Variants in ANTXR2 observed in about 807,000 individuals in gnomAD.
ANTXR2 encodes the protein ANTXR cell adhesion molecule 2, also known as anthrax toxin receptor 2.
ANTXR2 carries 44 observed loss-of-function variants against 73.7 expected under a neutral mutation model. The observed-to-expected ratio is 0.60, with a 90% CI of 0.47 to 0.77. The LOEUF (loss-of-function observed/expected upper bound fraction) is 0.77. Among genes scored for constraint, ANTXR2 ranks in the 30% least tolerant of loss-of-function variants. The probability of loss-of-function intolerance (pLI) is 0.00; values close to 1 mark genes in which losing one functional copy is unlikely to be tolerated. For missense variants in ANTXR2, 604 were observed against 592.5 expected (o/e 1.02, Z -0.20); for synonymous variants, 217 against 205.9 (o/e 1.05, Z -0.46).
intron 15 of ANTXR2, 119 bp downstream of exon 15, chr4:79,977,888 A>G: frequency 7.8e-7 from 1 of 1,289,894 alleles, no homozygotes; most frequent in East Asian, 2.4e-5. Context: ...TTAAGAGTGT[A>G]CAATGAATAT....
chr4:80,056,036 GA>G, intron 3 of ANTXR2, 23 bp from the exon 4 acceptor site: 3 of 1,463,422 alleles, frequency 2.0e-6, no homozygotes, highest in South Asian at 1.3e-5. Context: ...TTAAACAAAA[GA>G]AAAAATGAGC....
rs916480368 is a variant in ANTXR2, at chr4:79,903,721, A to G, written c.*3708T>C. 1 of 152,188 alleles carries G rather than the reference A, an allele frequency of 6.6e-6. No individual in the cohort carries two copies. The highest frequency in any genetic ancestry group is 1.5e-5 in the Non-Finnish European group (1 of 68,026). 9.4% of individuals were successfully genotyped at this position (152,188 alleles called of 1,614,324 possible). A position where few individuals can be genotyped will look rare whatever the true frequency, so the allele number is the denominator to read the frequency against. On this transcript the variant is annotated 3_prime_UTR_variant, in exon 17 of 17. Coordinates refer to ENST00000403729, the MANE Select transcript of ANTXR2 (RefSeq NM_058172.6). The stretch of plus-strand genomic sequence containing the variant: ...TGCGTCTGCACTGACTTTATTTCCT[A>G]CAAATAGACAACATTCTCCAGCCTC...
At chr4:79,981,706 C>T (rs1729898582) in intron 14 of ANTXR2, among the ~76,000 whole-genome samples, 1 of 152,252 alleles carries the variant, frequency 6.6e-6, no homozygotes, top group African/African-American at 2.4e-5. Context: ...CAACGTGTAT[C>T]GTGTTTCCCC....
chr4:79,910,523 G>GA (rs1727089359), intron 16 of ANTXR2, among the ~76,000 whole-genome samples: 3 of 68,620 alleles, frequency 4.4e-5, no homozygotes, highest in African/African-American at 1.7e-4. Context: ...AAAAAAAAAA[G>GA]AAAAAAAAGA....
At chr4:80,002,255 G>A (rs62298617) in intron 12 of ANTXR2, among the ~76,000 whole-genome samples, 73,016 of 151,820 alleles carry the variant, frequency 0.48, 20,079 homozygotes, top group East Asian at 0.92. Context: ...AAATAATGCC[G>A]CATATCTACA....
At chr4:80,009,572 G>A (rs947100771) in intron 11 of ANTXR2, among the ~76,000 whole-genome samples, 19 of 152,164 alleles carry the variant, frequency 1.2e-4, no homozygotes, top group African/African-American at 3.9e-4. Context: ...TACTGAGGCC[G>A]GGCACAATGG....
At chr4:79,974,272 C>T (rs182187241) in intron 16 of ANTXR2, among the ~76,000 whole-genome samples, 239 of 151,978 alleles carry the variant, frequency 1.6e-3, no homozygotes, top group Non-Finnish European at 1.6e-3. Context: ...ATAGGTATGA[C>T]GATAAAAGAT....
chr4:80,055,084 T>C, intron 6 of ANTXR2, 66 bp downstream of exon 6: 1 of 1,408,988 alleles, frequency 7.1e-7, no homozygotes, highest in African/African-American at 1.4e-5. Flanking sequence ...TGAAAAGAAT[T>C]TGTTAAACTA....
chr4:80,069,566 C>T, intron 2 of ANTXR2, 59 bp from the exon 3 acceptor site: 1 of 1,332,268 alleles, frequency 7.5e-7, no homozygotes, highest in Non-Finnish European at 1.1e-6. Context: ...TGATACGATA[C>T]AGATGTATAG....
intron 7 of ANTXR2, among the ~76,000 whole-genome samples, chr4:80,049,699 T>C (rs1733687371): frequency 6.6e-6 from 1 of 151,746 alleles, no homozygotes; most frequent in East Asian, 1.9e-4. Flanking sequence ...CTATTCTTAG[T>C]CATTCATCTT....
chr4:80,017,833 A>G (rs1241494494), intron 11 of ANTXR2, among the ~76,000 whole-genome samples: 1 of 152,162 alleles, frequency 6.6e-6, no homozygotes, highest in African/African-American at 2.4e-5. Context: ...TGCGCTAGAA[A>G]TGGGAGAAAA....
intron 16 of ANTXR2, among the ~76,000 whole-genome samples, chr4:79,936,737 A>G (rs532025759): frequency 6.6e-6 from 1 of 152,296 alleles, no homozygotes; most frequent in Admixed American, 6.5e-5. Flanking sequence ...AAATTACTGC[A>G]CAATATTTAA....
chr4:79,919,606 C>T (rs1230393733), intron 16 of ANTXR2, among the ~76,000 whole-genome samples: 1 of 151,884 alleles, frequency 6.6e-6, no homozygotes, highest in Non-Finnish European at 1.5e-5. Context: ...CTGGATACTT[C>T]CTGCCCTCGA....
At chr4:80,001,130 G>A (rs1253924122) in intron 12 of ANTXR2, among the ~76,000 whole-genome samples, 3 of 151,490 alleles carry the variant, frequency 2.0e-5, no homozygotes, top group Non-Finnish European at 4.4e-5. Context: ...TAATTTTAAA[G>A]GATGCATATT....
chr4:80,047,831 G>A (rs908746229), intron 7 of ANTXR2, among the ~76,000 whole-genome samples: 1 of 151,692 alleles, frequency 6.6e-6, no homozygotes, highest in Non-Finnish European at 1.5e-5. Context: ...GGATCCAGCT[G>A]TACCTGAGGT....
chr4:80,031,949 C>T lies in ANTXR2; in HGVS notation c.797-257G>A, dbSNP rs13152218. Among the ~76,000 whole-genome samples, 24,319 of 151,400 alleles carry T rather than the reference C, an allele frequency of 0.16. 2,957 individuals are homozygous for T. Among genetic ancestry groups the T allele is most frequent in the African/African-American group, 0.35 (14,260 of 41,296 alleles). ...CTAAGTTCACATACCATTCTAGATA[C>T]TATAAAATATATTTTCTCTTAAATT... On this transcript the variant is annotated intron_variant, in intron 9 of 16. Transcript: ENST00000403729.
At chr4:80,056,394 A>G (rs1733994136) in intron 3 of ANTXR2, among the ~76,000 whole-genome samples, 1 of 151,910 alleles carries the variant, frequency 6.6e-6, no homozygotes. Flanking sequence ...CATTTCTGAA[A>G]CACTCACTCC....
intron 16 of ANTXR2, among the ~76,000 whole-genome samples, chr4:79,964,240 C>T (rs1408009391): frequency 1.3e-5 from 2 of 152,184 alleles, no homozygotes; most frequent in African/African-American, 4.8e-5. Context: ...GTTTGTGGAA[C>T]TACTCCAAAA....
At chr4:80,023,015 A>G (rs935683176) in intron 10 of ANTXR2, among the ~76,000 whole-genome samples, 39 of 152,206 alleles carry the variant, frequency 2.6e-4, no homozygotes, top group African/African-American at 8.4e-4. Context: ...TAACACCTGA[A>G]TATTTGTCTA....
Sources: allele counts gnomAD v4.1 joint callset (sites outside exome capture counted in the v4.1 genomes callset), GRCh38; gene constraint gnomAD v4.1.1; transcripts MANE v1.5; gene names NCBI Gene and HGNC (gene_info 2026-07-23, HGNC 2026-07-21).